Variants in SLC30A8 observed in about 807,000 individuals in gnomAD.
SLC30A8 encodes proton-coupled zinc antiporter SLC30A8.
Under a neutral mutation model 36.9 loss-of-function variants are expected in SLC30A8, and 27 were observed. That is an observed-to-expected ratio of 0.73 (90% CI 0.54 to 1.01). SLC30A8 has a LOEUF of 1.01. Among genes scored for constraint, SLC30A8 ranks in the 50% least tolerant of loss-of-function variants. The pLI is 0.00. For missense variants in SLC30A8, 439 were observed against 452.0 expected (o/e 0.97, Z 0.26); for synonymous variants, 164 against 172.4 (o/e 0.95, Z 0.38).
chr8:116,979,964 G>A (rs1815199032), intron 1 of SLC30A8, among the ~76,000 whole-genome samples: 1 of 152,170 alleles, frequency 6.6e-6, no homozygotes, highest in Non-Finnish European at 1.5e-5. Context: ...AGAAAAGAAA[G>A]TGAAGACAGC....
Position 117,161,871 on chromosome 8 carries a change from C to CT in SLC30A8, c.708dup (p.Ile237TyrfsTer5), listed in dbSNP as rs1239403900. On this transcript the variant is annotated frameshift_variant, in exon 5 of 8. Transcript: ENST00000456015. LOFTEE classifies it high-confidence loss of function. ...GAGTATCAGTGTGCTAATTAGTGCA[C>CT]TTATTATCTACTTTAAGGTGAGTTT... 2 of 1,613,200 alleles carry CT rather than the reference C, an allele frequency of 1.2e-6. No individual in the cohort carries two copies. The highest frequency in any genetic ancestry group is 4.5e-5 in the East Asian group (2 of 44,822).
chr8:117,087,795 T>G (rs970157102), intron 2 of SLC30A8, among the ~76,000 whole-genome samples: 7 of 152,218 alleles, frequency 4.6e-5, no homozygotes, highest in Admixed American at 1.3e-4. Context: ...TGCTTCTTTT[T>G]AATGTTTCCT....
At chr8:117,145,068 G>A (rs961577984) in intron 1 of SLC30A8, among the ~76,000 whole-genome samples, 1 of 152,112 alleles carries the variant, frequency 6.6e-6, no homozygotes, top group African/African-American at 2.4e-5. Flanking sequence ...GGGAAGATCA[G>A]CTTGAGGTTG....
chr8:117,109,234 T>C (rs1369831950), intron 2 of SLC30A8, among the ~76,000 whole-genome samples: 2 of 152,142 alleles, frequency 1.3e-5, no homozygotes, highest in African/African-American at 4.8e-5. Context: ...GTGTAAAAGT[T>C]ATTATAATGG....
At chr8:116,962,870 A>C (rs141864684) in intron 1 of SLC30A8, among the ~76,000 whole-genome samples, 2 of 152,076 alleles carry the variant, frequency 1.3e-5, no homozygotes, top group Non-Finnish European at 2.9e-5. Flanking sequence ...TTTAACATAT[A>C]AGATAGAGTA....
intron 1 of SLC30A8, among the ~76,000 whole-genome samples, chr8:117,037,187 C>T (rs564752736): frequency 3.9e-4 from 60 of 152,174 alleles, no homozygotes; most frequent in Non-Finnish European, 7.8e-4. Context: ...TACTAATGTG[C>T]TGTGGTTTTC....
At chr8:117,113,804 C>T (rs1286471801) in intron 2 of SLC30A8, among the ~76,000 whole-genome samples, 4 of 152,044 alleles carry the variant, frequency 2.6e-5, no homozygotes, top group Admixed American at 6.6e-5. Flanking sequence ...GCTTGGTTCC[C>T]GCCCTCAAGT....
intron 2 of SLC30A8, among the ~76,000 whole-genome samples, chr8:117,121,838 G>A (rs1687163704): frequency 6.6e-6 from 1 of 151,928 alleles, no homozygotes; most frequent in South Asian, 2.1e-4. Context: ...GGATTGTGGA[G>A]GAGGGGAAAT....
At chr8:117,009,903 G>T (rs1435234138) in intron 1 of SLC30A8, among the ~76,000 whole-genome samples, 2 of 152,154 alleles carry the variant, frequency 1.3e-5, no homozygotes, top group Non-Finnish European at 2.9e-5. Flanking sequence ...AAAACTTCAT[G>T]ATTCATTTTG....
upstream of SLC30A8, among the ~76,000 whole-genome samples, chr8:117,133,414 C>T (rs1821217084): frequency 1.3e-5 from 2 of 152,062 alleles, no homozygotes; most frequent in South Asian, 4.1e-4. Flanking sequence ...GTATGTATGT[C>T]AATTATAAAT....
intron 2 of SLC30A8, among the ~76,000 whole-genome samples, chr8:117,124,170 A>C (rs1490741174): frequency 6.6e-6 from 1 of 151,962 alleles, no homozygotes; most frequent in African/African-American, 2.4e-5. Context: ...AAAGGATAGA[A>C]CCTGTTTTAT....
chr8:117,097,412 A>T lies in SLC30A8; in HGVS notation c.-225-37868A>T, dbSNP rs1252586772. On this transcript the variant is annotated intron_variant, in intron 2 of 10. Coordinates refer to the SLC30A8 transcript ENST00000427715. ...ACTCCATCTCAAAAAAAAAAAAAAAAAAAAAAATATATATAAATATATATA... is the reference window on the plus strand; with the variant it reads ...ACTCCATCTCAAAAAAAAAAAAAAATAAAAAAATATATATAAATATATATA... Among the ~76,000 whole-genome samples the T allele has an allele frequency of 1.5e-3, 185 of 120,448 alleles. 9 individuals are homozygous for T. The highest frequency in any genetic ancestry group is 6.0e-3 in the African/African-American group (167 of 27,974). 79.0% of individuals were successfully genotyped at this position (120,448 alleles called of 152,430 possible).
intron 2 of SLC30A8, among the ~76,000 whole-genome samples, chr8:117,091,690 C>T (rs987892108): frequency 3.9e-5 from 6 of 152,062 alleles, no homozygotes; most frequent in African/African-American, 1.4e-4. Context: ...TCAGAAATCC[C>T]GTTATGTATT....
At chr8:117,057,790 T>C (rs184740239) in intron 2 of SLC30A8, among the ~76,000 whole-genome samples, 3 of 152,342 alleles carry the variant, frequency 2.0e-5, no homozygotes, top group Non-Finnish European at 2.9e-5. Flanking sequence ...CATTCATCTG[T>C]TGATAGACAG....
chr8:117,164,055 TG>T (rs1211767514), intron 6 of SLC30A8: 3 of 152,578 alleles, frequency 2.0e-5, no homozygotes, highest in Admixed American at 6.5e-5. Flanking sequence ...TAGTGTGCTA[TG>T]AGGTTCAGGT....
At chr8:116,968,685 A>G (rs533538936) in intron 1 of SLC30A8, among the ~76,000 whole-genome samples, 1 of 152,110 alleles carries the variant, frequency 6.6e-6, no homozygotes, top group African/African-American at 2.4e-5. Context: ...CTTATAGGAA[A>G]GAGGAGTGAA....
intron 3 of SLC30A8, among the ~76,000 whole-genome samples, chr8:117,154,737 T>C (rs7004777): frequency 0.11 from 17,157 of 152,216 alleles, 1,738 homozygotes; most frequent in African/African-American, 0.27. Context: ...AAGTTTTACA[T>C]GTACTTGACC....
At chr8:117,012,459 A>T (rs981274979) in intron 1 of SLC30A8, among the ~76,000 whole-genome samples, 1 of 152,028 alleles carries the variant, frequency 6.6e-6, no homozygotes. Flanking sequence ...GACTTTTGTC[A>T]TGTCATTATT....
intron 2 of SLC30A8, among the ~76,000 whole-genome samples, chr8:117,087,212 A>G (rs980350781): frequency 6.6e-6 from 1 of 152,178 alleles, no homozygotes; most frequent in African/African-American, 2.4e-5. Context: ...GGTCAAATAG[A>G]AAGTCAACAG....
Sources: allele counts gnomAD v4.1 joint callset (sites outside exome capture counted in the v4.1 genomes callset), GRCh38; gene constraint gnomAD v4.1.1; transcripts MANE v1.5; gene names NCBI Gene and HGNC (gene_info 2026-07-23, HGNC 2026-07-21).